The following RFX3 variants were observed in gnomAD, a reference collection of about 807,000 sequenced individuals.
RFX3 encodes regulatory factor X3, also known as transcription factor RFX3.
A neutral mutation model predicts 98.6 loss-of-function variants in RFX3; 14 were observed. That is an observed-to-expected ratio of 0.14 (90% CI 0.09 to 0.22). The LOEUF (loss-of-function observed/expected upper bound fraction) is 0.22, where lower values mean the gene tolerates loss of function less well. Among genes scored for constraint, RFX3 ranks in the 10% least tolerant of loss-of-function variants. The pLI, the probability that RFX3 is intolerant of heterozygous loss-of-function variation, is 1.00. For missense variants in RFX3, 639 were observed against 926.9 expected (o/e 0.69, Z 4.03); for synonymous variants, 383 against 328.4 (o/e 1.17, Z -1.80).
rs766087314 is a variant in RFX3 at position 3,346,654 on chromosome 9, C to T, written c.215+13G>A. 2 of 1,535,092 alleles carry T rather than the reference C, an allele frequency of 1.3e-6. No individual in the cohort carries two copies. The highest frequency in any genetic ancestry group is 1.1e-5 in the South Asian group (1 of 89,524). On this transcript the variant is annotated intron_variant, in intron 3 of 16. Coordinates refer to ENST00000617270, the MANE Select transcript of RFX3 (RefSeq NM_001282116.2). ...AGTGGGGGAATTAAAAAGACTTCCA[C>T]ATATAAACTTACATTGCTCCATTGG...
rs1817607672 is a variant in RFX3 at position 3,225,026 on chromosome 9, T to C, written c.*16A>G. The C allele has an allele frequency of 6.2e-7, 1 of 1,609,658 alleles. No homozygotes were observed. Among genetic ancestry groups the C allele is most frequent in the Non-Finnish European group, 8.5e-7 (1 of 1,176,754 alleles). ...ACAGGGTTAATGTAAGCTGGAAAAATACGCTTTAATATTCTTTAGACTGCA... is the reference window on the plus strand; with the variant it reads ...ACAGGGTTAATGTAAGCTGGAAAAACACGCTTTAATATTCTTTAGACTGCA... On this transcript the variant is annotated 3_prime_UTR_variant, in exon 17 of 17. Coordinates refer to ENST00000617270, the MANE Select transcript of RFX3 (RefSeq NM_001282116.2).
intron 2 of RFX3, among the ~76,000 whole-genome samples, chr9:3,382,004 T>C (rs1839240291): frequency 6.6e-6 from 1 of 152,190 alleles, no homozygotes; most frequent in Admixed American, 6.6e-5. Flanking sequence ...GAGGTTAATA[T>C]ATAAATTTAT....
chr9:3,422,877 G>A (rs933152662), intron 1 of RFX3, among the ~76,000 whole-genome samples: 1 of 152,068 alleles, frequency 6.6e-6, no homozygotes, highest in Non-Finnish European at 1.5e-5. Context: ...CAGTAGGATT[G>A]CCTATCTGGA....
At chr9:3,445,777 T>C (rs1274703855) in intron 1 of RFX3, among the ~76,000 whole-genome samples, 1 of 152,180 alleles carries the variant, frequency 6.6e-6, no homozygotes, top group Non-Finnish European at 1.5e-5. Flanking sequence ...CTGTTATTTC[T>C]CCTGTATTCT....
chr9:3,292,737 T>A (rs528856153), intron 6 of RFX3, among the ~76,000 whole-genome samples: 1 of 92,304 alleles, frequency 1.1e-5, no homozygotes, highest in Non-Finnish European at 1.9e-5. Flanking sequence ...AGAGAATACA[T>A]TTTTATGTGC....
intron 1 of RFX3, among the ~76,000 whole-genome samples, chr9:3,414,548 T>C (rs1842732752): frequency 6.7e-6 from 1 of 149,660 alleles, no homozygotes; most frequent in African/African-American, 2.5e-5. Context: ...TATATATGAG[T>C]GTGTATATAT....
At chr9:3,390,471 A>G (rs988937950) in intron 2 of RFX3, among the ~76,000 whole-genome samples, 7 of 152,148 alleles carry the variant, frequency 4.6e-5, no homozygotes, top group African/African-American at 1.4e-4. Flanking sequence ...TCCAGGCTGA[A>G]GTGGTCTCAG....
intron 4 of RFX3, among the ~76,000 whole-genome samples, chr9:3,320,100 A>C (rs1831085767): frequency 6.6e-6 from 1 of 152,226 alleles, no homozygotes; most frequent in Admixed American, 6.5e-5. Flanking sequence ...GATTTGCTTT[A>C]TCTACATGCA....
At chr9:3,366,073 G>A (rs920269368) in intron 2 of RFX3, among the ~76,000 whole-genome samples, 3 of 151,966 alleles carry the variant, frequency 2.0e-5, no homozygotes, top group Admixed American at 6.6e-5. Context: ...GTGTCACTGT[G>A]ATGTAGGCTC....
intron 3 of RFX3, among the ~76,000 whole-genome samples, chr9:3,342,614 G>C (rs7855364): frequency 0.16 from 23,712 of 151,816 alleles, 1,891 homozygotes; most frequent in Middle Eastern, 0.22. Context: ...ATGTAGGAGC[G>C]AGTGGGGGAA....
At chr9:3,520,249 G>A (rs907940948) in intron 1 of RFX3, among the ~76,000 whole-genome samples, 2 of 152,160 alleles carry the variant, frequency 1.3e-5, no homozygotes, top group East Asian at 3.8e-4. Context: ...ATTCTTTGAG[G>A]CAGTCTAACA....
intron 4 of RFX3, chr9:3,324,093 G>T (rs1447999447): frequency 2.4e-6 from 1 of 420,896 alleles, no homozygotes; most frequent in African/African-American, 2.0e-5. Context: ...GGACTGAGTT[G>T]GCCTAGGGAA....
intron 16 of RFX3, among the ~76,000 whole-genome samples, chr9:3,225,521 T>C (rs1055940827): frequency 1.4e-5 from 2 of 147,244 alleles, no homozygotes; most frequent in Non-Finnish European, 2.9e-5. Context: ...TTGTGATTGA[T>C]ACTTTGTTAA....
chr9:3,267,083 C>G (rs766781339), intron 11 of RFX3, among the ~76,000 whole-genome samples: 1 of 151,918 alleles, frequency 6.6e-6, no homozygotes, highest in Non-Finnish European at 1.5e-5. Flanking sequence ...ATGACTATGA[C>G]TATTTTATAA....
intron 1 of RFX3, among the ~76,000 whole-genome samples, chr9:3,520,291 T>C (rs1239209404): frequency 6.6e-6 from 1 of 152,208 alleles, no homozygotes; most frequent in African/African-American, 2.4e-5. Flanking sequence ...TAAGCTTACT[T>C]TATAAAAATA....
At chr9:3,295,765 C>G (rs1405197210) in intron 5 of RFX3, among the ~76,000 whole-genome samples, 2 of 151,792 alleles carry the variant, frequency 1.3e-5, no homozygotes, top group Admixed American at 6.6e-5. Flanking sequence ...TGCTAATGAA[C>G]AGAAGACATA....
intron 3 of RFX3, among the ~76,000 whole-genome samples, chr9:3,332,138 C>T (rs995179164): frequency 6.6e-5 from 10 of 152,132 alleles, no homozygotes; most frequent in African/African-American, 2.2e-4. Flanking sequence ...ATCATACACA[C>T]TACCTTAATT....
At chr9:3,326,855 C>T (rs1010010858) in intron 4 of RFX3, among the ~76,000 whole-genome samples, 1 of 152,146 alleles carries the variant, frequency 6.6e-6, no homozygotes, top group African/African-American at 2.4e-5. Context: ...GCTAGTTTTA[C>T]ATCAACTGAA....
intron 1 of RFX3, among the ~76,000 whole-genome samples, chr9:3,502,769 C>T (rs557790037): frequency 1.1e-3 from 167 of 152,162 alleles, no homozygotes; most frequent in African/African-American, 4.0e-3. Context: ...AATGGACTGG[C>T]AATGTGAATG....
Sources: gnomAD v4.1 joint callset for allele counts (sites outside exome capture counted in the v4.1 genomes callset) on GRCh38, gnomAD v4.1.1 for gene constraint, MANE v1.5 for transcripts, NCBI Gene and HGNC (gene_info 2026-07-23, HGNC 2026-07-21) for gene names.